ELOVL5: variants seen among roughly 807,000 people sequenced by gnomAD.
ELOVL5 encodes the protein very long chain fatty acid elongase 5.
ELOVL5 carries 8 observed loss-of-function variants against 38.6 expected under a neutral mutation model. The observed-to-expected ratio is 0.21, with a 90% CI of 0.12 to 0.37. ELOVL5 has a LOEUF of 0.37. ELOVL5 is among the 10% of genes least tolerant of loss of function. The pLI, the probability that ELOVL5 is intolerant of heterozygous loss-of-function variation, is 1.00. For synonymous variants in ELOVL5, 127 were observed against 133.7 expected, an observed-to-expected ratio of 0.95 and a Z score of 0.34; for missense variants, 280 against 367.8, an observed-to-expected ratio of 0.76 and a Z score of 1.95.
chr6:53,348,023 C>CT (rs1554141178), intron 1 of ELOVL5, among the ~76,000 whole-genome samples: 1 of 36,062 alleles, frequency 2.8e-5, no homozygotes, highest in Non-Finnish European at 1.0e-4. Flanking sequence ...AGCACAACCG[C>CT]CCCCCCGCCG....
intron 1 of ELOVL5, among the ~76,000 whole-genome samples, chr6:53,329,747 T>C (rs209506): frequency 0.92 from 139,556 of 152,248 alleles, 64,266 homozygotes; most frequent in African/African-American, 0.97. Flanking sequence ...TTGCTGGAAC[T>C]CAGAAGGCAG....
chr6:53,294,241 C>G (rs1581942134), intron 2 of ELOVL5: 11 of 1,524,078 alleles, frequency 7.2e-6, no homozygotes, highest in Non-Finnish European at 8.8e-6. Flanking sequence ...TCCTTAGGAT[C>G]TAGTCAATCT....
intron 1 of ELOVL5, among the ~76,000 whole-genome samples, chr6:53,332,078 C>T (rs1768829239): frequency 6.6e-6 from 1 of 152,218 alleles, no homozygotes. Context: ...CACCAAGTCA[C>T]TCATGAGGGA....
intron 2 of ELOVL5, among the ~76,000 whole-genome samples, chr6:53,293,066 T>G (rs762080366): frequency 7.2e-5 from 11 of 152,072 alleles, no homozygotes; most frequent in Non-Finnish European, 1.3e-4. Flanking sequence ...CCAGAGCCCC[T>G]AAGTGTTATG....
intron 1 of ELOVL5, among the ~76,000 whole-genome samples, chr6:53,348,022 G>GCC (rs35065809): frequency 0.082 from 11,938 of 146,476 alleles, 616 homozygotes; most frequent in Non-Finnish European, 0.1. Flanking sequence ...GAGCACAACC[G>GCC]CCCCCCCGCC....
At chr6:53,318,572 C>T (rs1312811513) in intron 1 of ELOVL5, among the ~76,000 whole-genome samples, 1 of 151,916 alleles carries the variant, frequency 6.6e-6, no homozygotes, top group Non-Finnish European at 1.5e-5. Flanking sequence ...CGCCCCATCT[C>T]TACAAAAACT....
chr6:53,333,118 C>G (rs1768878756), intron 1 of ELOVL5, among the ~76,000 whole-genome samples: 6 of 152,202 alleles, frequency 3.9e-5, no homozygotes, highest in Admixed American at 3.9e-4. Context: ...TATCCCTTTG[C>G]AAGAGAACGG....
At chr6:53,337,910 G>A (rs989304498) in intron 1 of ELOVL5, among the ~76,000 whole-genome samples, 4 of 152,218 alleles carry the variant, frequency 2.6e-5, no homozygotes, top group Non-Finnish European at 5.9e-5. Context: ...TTTGGTAAAA[G>A]CATGGTTGAT....
chr6:53,274,469 C>T (rs1392934378), intron 5 of ELOVL5, among the ~76,000 whole-genome samples: 1 of 152,114 alleles, frequency 6.6e-6, no homozygotes, highest in Non-Finnish European at 1.5e-5. Flanking sequence ...GTTTGGATGA[C>T]GGGACTTTTG....
intron 1 of ELOVL5, among the ~76,000 whole-genome samples, chr6:53,327,820 C>T (rs1768616198): frequency 6.6e-6 from 1 of 152,138 alleles, no homozygotes; most frequent in African/African-American, 2.4e-5. Context: ...TATTCATCTC[C>T]CATCTGCCTT....
chr6:53,338,563 A>C (rs1769182926), intron 1 of ELOVL5, among the ~76,000 whole-genome samples: 1 of 152,226 alleles, frequency 6.6e-6, no homozygotes, highest in South Asian at 2.1e-4. Flanking sequence ...AGAGAAGACA[A>C]TCAATGGCCA....
chr6:53,305,630 A>C (rs948452850), intron 1 of ELOVL5, among the ~76,000 whole-genome samples: 1 of 146,206 alleles, frequency 6.8e-6, no homozygotes, highest in Non-Finnish European at 1.5e-5. Flanking sequence ...GACGCTCCTC[A>C]CTTCCTAGAT....
At chr6:53,270,483 G>A in intron 7 of ELOVL5, 110 bp downstream of exon 7, 1 of 1,228,026 alleles carries the variant, frequency 8.1e-7, no homozygotes. Flanking sequence ...TCCATTAGAG[G>A]CCAGAGCCTG....
At chr6:53,308,480 A>G (rs1395934212) in intron 1 of ELOVL5, among the ~76,000 whole-genome samples, 1 of 152,206 alleles carries the variant, frequency 6.6e-6, no homozygotes, top group African/African-American at 2.4e-5. Flanking sequence ...GAGTGGATCA[A>G]TGAATGAATG....
intron 3 of ELOVL5, among the ~76,000 whole-genome samples, chr6:53,289,231 AG>A (rs1351527901): frequency 6.6e-6 from 1 of 152,264 alleles, no homozygotes; most frequent in Non-Finnish European, 1.5e-5. Flanking sequence ...GCAGATAAGC[AG>A]GAAGGTAAAT....
At chr6:53,283,657 A>T (rs1412985278) in intron 3 of ELOVL5, among the ~76,000 whole-genome samples, 2 of 152,244 alleles carry the variant, frequency 1.3e-5, no homozygotes, top group East Asian at 1.9e-4. Flanking sequence ...GAAACAGATT[A>T]AAAACAAATG....
chr6:53,292,266 GATTT>G (rs1766804566), intron 2 of ELOVL5, among the ~76,000 whole-genome samples: 3 of 152,166 alleles, frequency 2.0e-5, no homozygotes, highest in Admixed American at 1.3e-4. Flanking sequence ...CCATTAATTG[GATTT>G]ATTAACCAGG....
chr6:53,287,738 G>C, intron 3 of ELOVL5: 2 of 798,312 alleles, frequency 2.5e-6, no homozygotes, highest in South Asian at 1.5e-5. Context: ...GGTTTGAGTA[G>C]AGCTCAGCAT....
intron 3 of ELOVL5, among the ~76,000 whole-genome samples, chr6:53,280,881 C>T (rs1163629157): frequency 6.6e-6 from 1 of 152,146 alleles, no homozygotes; most frequent in East Asian, 1.9e-4. Context: ...AGGTGTGAGC[C>T]CCTGCACCCA....
Sources: allele counts gnomAD v4.1 joint callset (sites outside exome capture counted in the v4.1 genomes callset), GRCh38; gene constraint gnomAD v4.1.1; transcripts MANE v1.5; gene names NCBI Gene and HGNC (gene_info 2026-07-23, HGNC 2026-07-21).